Variants in SGCZ observed in about 807,000 individuals in gnomAD.
The protein encoded by SGCZ is sarcoglycan zeta, also known as zeta-sarcoglycan.
A neutral mutation model predicts 41.3 loss-of-function variants in SGCZ; 40 were observed. That is an observed-to-expected ratio of 0.97 (90% CI 0.75 to 1.26). The LOEUF (loss-of-function observed/expected upper bound fraction) is 1.26, where lower values mean the gene tolerates loss of function less well. SGCZ is among the 50% of genes most tolerant of loss of function. The pLI is 0.00. For missense variants in SGCZ, 552 were observed against 369.8 expected (o/e 1.49, Z -4.04); for synonymous variants, 206 against 137.5 (o/e 1.50, Z -3.49).
chr8:14,418,623 A>C (rs1026879620), intron 2 of SGCZ, among the ~76,000 whole-genome samples: 9 of 151,960 alleles, frequency 5.9e-5, no homozygotes, highest in African/African-American at 2.2e-4. Context: ...CTATCAATTA[A>C]TTATCAACAA....
At chr8:14,575,642 T>G (rs1804682605) in intron 1 of SGCZ, among the ~76,000 whole-genome samples, 1 of 152,138 alleles carries the variant, frequency 6.6e-6, no homozygotes, top group Middle Eastern at 3.4e-3. Context: ...CACAGTGGTG[T>G]ACGCCTGTAA....
At chr8:15,078,794 T>G (rs1229689435) in intron 1 of SGCZ, among the ~76,000 whole-genome samples, 5 of 152,226 alleles carry the variant, frequency 3.3e-5, no homozygotes, top group South Asian at 4.1e-4. Flanking sequence ...CTGGATTTCC[T>G]CTGAGAATTT....
chr8:14,368,063 A>T (rs1418436646), intron 2 of SGCZ, among the ~76,000 whole-genome samples: 1 of 152,052 alleles, frequency 6.6e-6, no homozygotes, highest in Non-Finnish European at 1.5e-5. Flanking sequence ...AAGGTATTTA[A>T]ATTTTTGAAA....
At chr8:14,718,039 G>C (rs2249806) in intron 1 of SGCZ, among the ~76,000 whole-genome samples, 56,099 of 143,234 alleles carry the variant, frequency 0.39, 12,746 homozygotes, top group Non-Finnish European at 0.51. Context: ...TTTAAAAACT[G>C]ACTCAAATAG....
At chr8:15,198,044 T>C (rs1800786317) in intron 1 of SGCZ, among the ~76,000 whole-genome samples, 1 of 148,466 alleles carries the variant, frequency 6.7e-6, no homozygotes, top group Admixed American at 6.8e-5. Flanking sequence ...TATATATTTA[T>C]ATTATATATT....
intron 1 of SGCZ, among the ~76,000 whole-genome samples, chr8:15,172,161 T>TTTTATTTATTTATTTA (rs1224615110): frequency 2.7e-5 from 2 of 73,610 alleles, no homozygotes. Context: ...TCTGTTTTTT[T>TTTTATTTATTTATTTA]TTTTTTTTTT....
rs145684759 is a variant in SGCZ at position 14,972,345 on chromosome 8, T to C, written c.39+265240A>G. Among the ~76,000 whole-genome samples the C allele has an allele frequency of 6.2e-3, 942 of 152,280 alleles. 3 individuals carry two copies. Among genetic ancestry groups the C allele is most frequent in the Non-Finnish European group, 0.01 (692 of 68,014 alleles). On this transcript the variant is annotated intron_variant, in intron 1 of 7. Transcript: ENST00000382080. ...CTGATAAATTTGGATAGCTGTTTAT[T>C]AGTTGATTGATTTTCTTTTTTCCAT...
chr8:14,508,090 G>A (rs531375226), intron 2 of SGCZ, among the ~76,000 whole-genome samples: 1 of 152,220 alleles, frequency 6.6e-6, no homozygotes, highest in African/African-American at 2.4e-5. Flanking sequence ...TTCTTCGTGA[G>A]ATCTACCCTG....
At chr8:14,285,701 AAACC>A (rs1199070721) in intron 3 of SGCZ, among the ~76,000 whole-genome samples, 2 of 152,128 alleles carry the variant, frequency 1.3e-5, no homozygotes, top group African/African-American at 4.8e-5. Flanking sequence ...AGTTGTACAG[AAACC>A]AGGGGAAAGT....
At chr8:14,736,697 G>A (rs1799044435) in intron 1 of SGCZ, among the ~76,000 whole-genome samples, 1 of 152,004 alleles carries the variant, frequency 6.6e-6, no homozygotes, top group Admixed American at 6.6e-5. Context: ...TCATAGCTTA[G>A]CTCCCACATA....
chr8:14,549,947 G>A (rs1247251884), intron 2 of SGCZ, among the ~76,000 whole-genome samples: 5 of 151,958 alleles, frequency 3.3e-5, no homozygotes, highest in Non-Finnish European at 4.4e-5. Flanking sequence ...AACTCCTACA[G>A]GTTGCTAGTG....
At chr8:14,239,885 G>C (rs1798801116) in intron 3 of SGCZ, among the ~76,000 whole-genome samples, 2 of 101,388 alleles carry the variant, frequency 2.0e-5, no homozygotes, top group Non-Finnish European at 3.4e-5. Context: ...CTGGGCGACA[G>C]AGCGAGACTC....
intron 1 of SGCZ, among the ~76,000 whole-genome samples, chr8:14,696,068 A>G (rs1808951042): frequency 1.3e-5 from 2 of 152,144 alleles, no homozygotes; most frequent in Admixed American, 6.6e-5. Context: ...GGTTTTGTAG[A>G]AACAGTTCAT....
chr8:14,309,199 G>T, intron 3 of SGCZ: 2 of 1,486,676 alleles, frequency 1.3e-6, no homozygotes, highest in Admixed American at 1.7e-5. Context: ...CAAACCTGCT[G>T]CGGCTGATCT....
At position 14,377,862 on chromosome 8, in the gene SGCZ, T is replaced by C. The variant is rs797005246; in HGVS notation, c.235-53658A>G. ...TGTCCCTACAAAGGACATGAACTCA[T>C]CATTTTTTATGGCTGCATAGTATTC... On this transcript the variant is annotated intron_variant, in intron 2 of 7. Transcript: ENST00000382080. 7.5e-3 allele frequency among the ~76,000 whole-genome samples: 1,136 copies of C among 151,868 alleles called. 17 individuals are homozygous for C. The highest frequency in any genetic ancestry group is 0.026 in the African/African-American group (1,067 of 41,284).
chr8:14,672,043 G>A (rs1015504078), intron 1 of SGCZ, among the ~76,000 whole-genome samples: 1 of 152,116 alleles, frequency 6.6e-6, no homozygotes, highest in African/African-American at 2.4e-5. Context: ...CTTAGCTACC[G>A]ACCCAGAAGT....
chr8:15,082,273 T>C (rs1563492580), intron 1 of SGCZ, among the ~76,000 whole-genome samples: 1 of 151,948 alleles, frequency 6.6e-6, no homozygotes, highest in Non-Finnish European at 1.5e-5. Flanking sequence ...TGTTAAATAT[T>C]TTATATATTT....
chr8:14,619,487 G>C (rs1180217710), intron 1 of SGCZ, among the ~76,000 whole-genome samples: 1 of 152,242 alleles, frequency 6.6e-6, no homozygotes, highest in African/African-American at 2.4e-5. Context: ...ATTAGGAAAA[G>C]AAGAAGTCAA....
chr8:14,140,741 C>T (rs964729466), intron 5 of SGCZ, among the ~76,000 whole-genome samples: 36 of 152,120 alleles, frequency 2.4e-4, no homozygotes, highest in Non-Finnish European at 4.7e-4. Context: ...AATGGCCATA[C>T]TGCCCAAGGT....
Sources: gnomAD v4.1 joint callset for allele counts (sites outside exome capture counted in the v4.1 genomes callset) on GRCh38, gnomAD v4.1.1 for gene constraint, MANE v1.5 for transcripts, NCBI Gene and HGNC (gene_info 2026-07-23, HGNC 2026-07-21) for gene names.